Variants in VPS33A observed in about 807,000 individuals in gnomAD.
VPS33A encodes VPS33A core subunit of CORVET and HOPS complexes.
In VPS33A, 32 loss-of-function variants were observed where a neutral mutation model predicts 71.8. The ratio of observed to expected loss-of-function variants is 0.45; its 90% CI spans 0.34 to 0.60. The LOEUF is 0.60. VPS33A is among the 20% of genes least tolerant of loss of function. The probability of loss-of-function intolerance (pLI) is 0.02; values close to 1 mark genes in which losing one functional copy is unlikely to be tolerated. For synonymous variants in VPS33A, 311 were observed against 292.7 expected (o/e 1.06, Z -0.64); for missense variants, 625 against 748.5 (o/e 0.84, Z 1.92).
Position 122,266,378 on chromosome 12 carries a change from T to A in VPS33A, c.31A>T (p.Asn11Tyr). The change falls in exon 1 of 13, where the codon AAC becomes TAC. Residue 11 changes from asparagine to tyrosine, a missense_variant. Physicochemically the swap from Asn to Tyr is moderately radical, Grantham distance 143 (BLOSUM62 -2). Transcript: ENST00000267199. MAAHLSYGRVNLNVLREAVRR... is the reference protein window; with the variant it reads MAAHLSYGRVYLNVLREAVRR... ...ACCGCCTCGCGCAACACGTTTAGGT[T>A]CACTCGGCCGTAGGACAGATGAGCC... 6.2e-7 allele frequency: 1 copy of A among 1,613,600 alleles called. No homozygotes were observed.
rs755229415 is a variant in VPS33A, at chr12:122,239,882, T to A, written c.1160A>T (p.Asp387Val). ...GAGGTTTTTTTGTCCACATACCTTA[T>A]CAGTGTCTATTCCAGACATAAACTC... ...EQEFMSGIDTDKVNNYIEDCI... is the reference protein window; with the variant it reads ...EQEFMSGIDTVKVNNYIEDCI... Residue 387 changes from aspartate (D) to valine (V), a missense_variant, in exon 9 of 13, where the codon GAT becomes GTT. Asp to Val is a radical substitution (Grantham distance 152). Coordinates refer to ENST00000267199, the MANE Select transcript of VPS33A (RefSeq NM_022916.6). 1 of 1,612,340 alleles carries A rather than the reference T, an allele frequency of 6.2e-7. No homozygotes were observed. The highest frequency in any genetic ancestry group is 1.7e-4 in the Middle Eastern group (1 of 6,050).
chr12:122,250,159 G>A lies in VPS33A; in HGVS notation c.601-114C>T, dbSNP rs574645235. 22 of 1,141,714 alleles carry A rather than the reference G, an allele frequency of 1.9e-5. No individual in the cohort carries two copies. The South Asian group carries it at 3.5e-4, about 18-fold the overall frequency. The allele number at this position is 1,141,714 out of a possible 1,614,324, so 70.7% of individuals were successfully genotyped here. ...GTAAAAAAGGAGAAAAACTGGAAGA[G>A]TGCATTGCTTAGAAATAAGCAGCTC... On this transcript the variant is annotated intron_variant, in intron 5 of 12. Coordinates refer to ENST00000267199, the MANE Select transcript of VPS33A (RefSeq NM_022916.6).
At chr12:122,239,993 T>A in intron 8 of VPS33A, 48 bp from the exon 9 acceptor site, 1 of 1,402,288 alleles carries the variant, frequency 7.1e-7, no homozygotes, top group Non-Finnish European at 1.0e-6. Flanking sequence ...AATGTTAATT[T>A]ACTTGAGTGG....
intron 4 of VPS33A, chr12:122,252,929 G>A (rs1954864405): frequency 6.6e-6 from 1 of 152,102 alleles, no homozygotes; most frequent in Non-Finnish European, 1.5e-5. Context: ...CCACTCATAA[G>A]TCAATATGGT....
At chr12:122,245,698 G>A (rs1225011986) in intron 6 of VPS33A, among the ~76,000 whole-genome samples, 1 of 152,086 alleles carries the variant, frequency 6.6e-6, no homozygotes, top group Non-Finnish European at 1.5e-5. Flanking sequence ...CACCCTCCTG[G>A]GCCTCCCAAA....
chr12:122,237,609 T>A (rs1319029517), intron 10 of VPS33A, among the ~76,000 whole-genome samples: 1 of 138,514 alleles, frequency 7.2e-6, no homozygotes, highest in African/African-American at 2.8e-5. Context: ...AGTGGCGCAA[T>A]CTCGGCTCAC....
intron 5 of VPS33A, among the ~76,000 whole-genome samples, chr12:122,250,565 C>T (rs1954829350): frequency 6.6e-6 from 1 of 152,182 alleles, no homozygotes; most frequent in African/African-American, 2.4e-5. Flanking sequence ...CCAGGCACAC[C>T]ACAGCCTTCT....
intron 8 of VPS33A, among the ~76,000 whole-genome samples, chr12:122,240,690 T>G (rs1037778963): frequency 6.6e-6 from 1 of 152,242 alleles, no homozygotes; most frequent in East Asian, 1.9e-4. Context: ...ACTCAGCTTT[T>G]ACAGCCCTGT....
chr12:122,234,826 C>A (rs1217462918), intron 11 of VPS33A, among the ~76,000 whole-genome samples: 2 of 152,256 alleles, frequency 1.3e-5, no homozygotes, highest in Non-Finnish European at 2.9e-5. Flanking sequence ...GTTGACCATA[C>A]CCTCAGCCAG....
chr12:122,266,241 G>A, intron 1 of VPS33A, 66 bp downstream of exon 1: 2 of 1,576,958 alleles, frequency 1.3e-6, no homozygotes, highest in South Asian at 1.1e-5. Flanking sequence ...CAGGCGGTCA[G>A]GGAACGGATT....
chr12:122,235,264 CTTT>C (rs1305150700), intron 11 of VPS33A, among the ~76,000 whole-genome samples: 3 of 138,928 alleles, frequency 2.2e-5, no homozygotes, highest in Admixed American at 7.3e-5. Context: ...TGCCCCATAA[CTTT>C]TTTTTTTTTT....
rs1291153095 is a variant in VPS33A, at chr12:122,237,701, G to A, written c.1302+886C>T. The stretch of plus-strand genomic sequence containing the variant: ...TGGGACTACAGGCGCCCGCCACCGC[G>A]CCCGGCTAATTTTTTGTATTTTTAG... On this transcript the variant is annotated intron_variant, in intron 10 of 12. Coordinates refer to ENST00000267199, the MANE Select transcript of VPS33A (RefSeq NM_022916.6). Among the ~76,000 whole-genome samples, 35 of 77,002 alleles carry A rather than the reference G, an allele frequency of 4.5e-4. 1 individual carries two copies. Among genetic ancestry groups the A allele is most frequent in the African/African-American group, 7.7e-4 (7 of 9,058 alleles). The allele number at this position is 77,002 out of a possible 152,430, so 50.5% of individuals were successfully genotyped here.
Position 122,238,766 on chromosome 12 carries a change from T to TACACACACACAC in VPS33A, c.1165-43_1165-42insGTGTGTGTGTGT, listed in dbSNP as rs745624372. 2.2e-6 allele frequency: 3 copies of TACACACACACAC among 1,354,074 alleles called. No individual in the cohort carries two copies. The East Asian group carries it at 7.2e-5, about 32-fold the overall frequency. The allele number at this position is 1,354,074 out of a possible 1,614,324, so 83.9% of individuals were successfully genotyped here. On this transcript the variant is annotated intron_variant, in intron 9 of 12. Coordinates refer to ENST00000267199, the MANE Select transcript of VPS33A (RefSeq NM_022916.6). Reference sequence around the variant, plus strand: ...ATACATATACATATACATTTACATATACATACACACACACACACACACACA... The same window carrying TACACACACACAC: ...ATACATATACATATACATTTACATATACACACACACACACATACACACACACACACACACACA...
Position 122,242,355 on chromosome 12 carries a change from G to A in VPS33A, c.1096+27C>T. 3 of 1,603,250 alleles carry A rather than the reference G, an allele frequency of 1.9e-6. No individual in the cohort carries two copies. In the South Asian group the frequency reaches 3.3e-5, roughly 18 times the overall value. On this transcript the variant is annotated intron_variant, in intron 8 of 12. Coordinates refer to ENST00000267199, the MANE Select transcript of VPS33A (RefSeq NM_022916.6). The stretch of plus-strand genomic sequence containing the variant: ...TTGTATGTGCAAGTAGCCCCAGACT[G>A]AAACAATCATTACAAAGGATACTCA...
chr12:122,240,035 A>T (rs1954692094), intron 8 of VPS33A, 90 bp from the exon 9 acceptor site: 3 of 1,018,788 alleles, frequency 2.9e-6, no homozygotes, highest in Non-Finnish European at 4.5e-6. Flanking sequence ...CGATTCAGAA[A>T]CTAGACATGT....
intron 4 of VPS33A, among the ~76,000 whole-genome samples, chr12:122,255,149 C>T (rs953719335): frequency 6.6e-6 from 1 of 151,990 alleles, no homozygotes; most frequent in Admixed American, 6.6e-5. Context: ...TTTGTCACTC[C>T]AAGAGAGTTT....
intron 7 of VPS33A, among the ~76,000 whole-genome samples, chr12:122,242,968 A>C (rs888676878): frequency 1.4e-4 from 21 of 152,210 alleles, no homozygotes; most frequent in African/African-American, 4.6e-4. Flanking sequence ...AAGAGAAAAG[A>C]AAAGTATATA....
At chr12:122,250,798 CA>C (rs1954833023) in intron 5 of VPS33A, among the ~76,000 whole-genome samples, 184 bp downstream of exon 5, 2 of 152,178 alleles carry the variant, frequency 1.3e-5, no homozygotes, top group Admixed American at 1.3e-4. Context: ...TGCACGCCGA[CA>C]AAAGCACCAT....
At chr12:122,263,400 C>A (rs761892392) in intron 3 of VPS33A, among the ~76,000 whole-genome samples, 172 bp downstream of exon 3, 2 of 152,096 alleles carry the variant, frequency 1.3e-5, no homozygotes, top group African/African-American at 4.8e-5. Context: ...TTAACTATCT[C>A]CACCTCCCCC....
Sources: gnomAD v4.1 joint callset for allele counts (sites outside exome capture counted in the v4.1 genomes callset) on GRCh38, gnomAD v4.1.1 for gene constraint, MANE v1.5 for transcripts, NCBI Gene and HGNC (gene_info 2026-07-23, HGNC 2026-07-21) for gene names.